Variants in PTK2 observed in about 807,000 individuals in gnomAD.
PTK2 encodes protein tyrosine kinase 2.
In PTK2, 45 loss-of-function variants were observed where a neutral mutation model predicts 150.1. The observed-to-expected ratio is 0.30, with a 90% CI of 0.24 to 0.38. The LOEUF (loss-of-function observed/expected upper bound fraction) is 0.38, where lower values mean the gene tolerates loss of function less well. PTK2 is among the 10% of genes least tolerant of loss of function. The pLI is 1.00. For synonymous variants in PTK2, 432 were observed against 449.2 expected (o/e 0.96, Z 0.48); for missense variants, 919 against 1,307.3 (o/e 0.70, Z 4.58).
At chr8:140,745,781 C>G (rs2100058329) in intron 18 of PTK2, among the ~76,000 whole-genome samples, 1 of 152,160 alleles carries the variant, frequency 6.6e-6, no homozygotes, top group Admixed American at 6.5e-5. Flanking sequence ...AGGCAGATCA[C>G]TGGAGGTCAG....
intron 27 of PTK2, among the ~76,000 whole-genome samples, chr8:140,676,783 A>AAAAAAAAAC (rs2100014089): frequency 6.8e-6 from 1 of 146,080 alleles, no homozygotes; most frequent in Non-Finnish European, 1.5e-5. Flanking sequence ...AAAAAAAAAA[A>AAAAAAAAAC]AAAAAATAGC....
intron 1 of PTK2, among the ~76,000 whole-genome samples, chr8:140,949,418 C>G (rs904722066): frequency 6.6e-6 from 1 of 152,164 alleles, no homozygotes; most frequent in South Asian, 2.1e-4. Flanking sequence ...TTCCCAGGTA[C>G]AGCTGCAGCC....
chr8:140,795,627 A>G (rs890355358), intron 12 of PTK2, among the ~76,000 whole-genome samples: 1 of 152,142 alleles, frequency 6.6e-6, no homozygotes, highest in Non-Finnish European at 1.5e-5. Context: ...TGTTTATCGC[A>G]CGTATGTCCT....
chr8:140,744,789 GA>G (rs372806706), intron 18 of PTK2, 22 bp from the exon 22 acceptor site: 122,092 of 644,170 alleles, frequency 0.19, 320 homozygotes, highest in African/African-American at 0.24. Context: ...ATGACCAAAA[GA>G]AAAAAAAAAA....
At chr8:140,942,624 G>A (rs1381711542) in intron 1 of PTK2, among the ~76,000 whole-genome samples, 2 of 56,846 alleles carry the variant, frequency 3.5e-5, no homozygotes, top group Admixed American at 1.6e-4. Context: ...TAATGAGTGC[G>A]TGCGTGTGTG....
At chr8:140,945,343 G>A (rs1162097881) in intron 1 of PTK2, among the ~76,000 whole-genome samples, 1 of 152,194 alleles carries the variant, frequency 6.6e-6, no homozygotes, top group Admixed American at 6.5e-5. Flanking sequence ...CCAGCACTCT[G>A]GGATGCCAAG....
chr8:140,733,353 CAG>C (rs1432039952), intron 22 of PTK2, among the ~76,000 whole-genome samples: 1 of 152,112 alleles, frequency 6.6e-6, no homozygotes, highest in African/African-American at 2.4e-5. Flanking sequence ...TATAGACAGA[CAG>C]AGGTAAGCAG....
rs368721325 is a variant in PTK2 at position 140,854,584 on chromosome 8, T to C, written c.451-7906A>G. Among the ~76,000 whole-genome samples the C allele has an allele frequency of 5.1e-4, 78 of 151,842 alleles. 2 individuals are homozygous for C. In the South Asian group the frequency reaches 0.016, roughly 31 times the overall value. ...TATAAATTCCTGCTCTATATACTGT[T>C]ATAACAGTGAATACTGTTATAACAA... On this transcript the variant is annotated intron_variant, in intron 5 of 31. Transcript: ENST00000522684.
intron 22 of PTK2, among the ~76,000 whole-genome samples, chr8:140,729,217 C>T (rs1176528644): frequency 6.6e-6 from 1 of 152,088 alleles, no homozygotes; most frequent in Non-Finnish European, 1.5e-5. Flanking sequence ...TAACTAAAAA[C>T]TGAAAACCAA....
intron 3 of PTK2, among the ~76,000 whole-genome samples, chr8:140,889,618 T>C (rs1202848868): frequency 3.3e-5 from 5 of 150,170 alleles, no homozygotes; most frequent in African/African-American, 9.8e-5. Flanking sequence ...AATTAATTAA[T>C]TTACTTATTG....
chr8:140,756,621 C>T (rs535238605), intron 16 of PTK2, among the ~76,000 whole-genome samples: 22 of 147,986 alleles, frequency 1.5e-4, no homozygotes, highest in South Asian at 8.8e-4. Context: ...CGCTTGAACC[C>T]GGGAGGTTGT....
chr8:140,960,252 G>A (rs1013484110), intron 1 of PTK2, among the ~76,000 whole-genome samples: 12 of 118,036 alleles, frequency 1.0e-4, no homozygotes, highest in Non-Finnish European at 1.6e-4. Flanking sequence ...AGGCTGGAGC[G>A]CAATGGCACG....
chr8:140,873,066 T>C (rs1203619584), intron 4 of PTK2, among the ~76,000 whole-genome samples: 1 of 152,224 alleles, frequency 6.6e-6, no homozygotes, highest in East Asian at 1.9e-4. Flanking sequence ...GCTTATGCCA[T>C]GAACATTATT....
At chr8:140,957,808 TATACTATATAGCCCAGGC>T (rs2100181709) in intron 1 of PTK2, among the ~76,000 whole-genome samples, 1 of 152,228 alleles carries the variant, frequency 6.6e-6, no homozygotes, top group African/African-American at 2.4e-5. Flanking sequence ...AGCAATAGGC[TATACTATATAGCCCAGGC>T]ATGCAGTAGG....
intron 5 of PTK2, among the ~76,000 whole-genome samples, chr8:140,847,627 A>G (rs2100126384): frequency 6.6e-6 from 1 of 152,150 alleles, no homozygotes; most frequent in South Asian, 2.1e-4. Context: ...ACCATGCTCA[A>G]TTATTATATT....
rs552394434 is a variant in PTK2, at chr8:140,840,214, G to A, written c.593+6046C>T. On this transcript the variant is annotated intron_variant, in intron 7 of 31. Coordinates refer to ENST00000522684, the Ensembl canonical transcript of PTK2. ...GGTGAGACCACAGCTGCGTGCCACC[G>A]CGCCTGGCTAATTTTTATAATTATT... Among the ~76,000 whole-genome samples, 6 of 152,230 alleles carry A rather than the reference G, an allele frequency of 3.9e-5. No individual in the cohort carries two copies. The East Asian group carries it at 9.7e-4, about 24-fold the overall frequency.
At chr8:140,793,265 T>C in intron 13 of PTK2, 89 bp downstream of exon 13, 1 of 1,427,942 alleles carries the variant, frequency 7.0e-7, no homozygotes, top group Non-Finnish European at 9.5e-7. Flanking sequence ...TTGAATTTAA[T>C]TTTTTTAGGA....
At chr8:140,849,867 C>T (rs1252786944) in intron 5 of PTK2, among the ~76,000 whole-genome samples, 4 of 152,216 alleles carry the variant, frequency 2.6e-5, no homozygotes, top group Non-Finnish European at 5.9e-5. Context: ...ACCCCGAAAA[C>T]TCCAGCTTTA....
intron 1 of PTK2, among the ~76,000 whole-genome samples, chr8:140,954,488 A>G (rs2100180558): frequency 6.6e-6 from 1 of 152,192 alleles, no homozygotes; most frequent in African/African-American, 2.4e-5. Flanking sequence ...TGTAACTCAG[A>G]GTGTTTATAA....
Sources: gnomAD v4.1 joint callset for allele counts (sites outside exome capture counted in the v4.1 genomes callset) on GRCh38, gnomAD v4.1.1 for gene constraint, MANE v1.5 for transcripts, NCBI Gene and HGNC (gene_info 2026-07-23, HGNC 2026-07-21) for gene names.